Variants in ITPR2 observed in about 807,000 individuals in gnomAD.
ITPR2 encodes inositol 1,4,5-trisphosphate receptor type 2, also known as inositol 1,4,5-trisphosphate-gated calcium channel ITPR2.
A neutral mutation model predicts 317.1 loss-of-function variants in ITPR2; 207 were observed. The ratio of observed to expected loss-of-function variants is 0.65; its 90% CI spans 0.58 to 0.73. The LOEUF (loss-of-function observed/expected upper bound fraction) is 0.73, where lower values mean the gene tolerates loss of function less well. ITPR2 is among the 30% of genes least tolerant of loss of function. The probability of loss-of-function intolerance (pLI) is 0.00; values close to 1 mark genes in which losing one functional copy is unlikely to be tolerated. For missense variants in ITPR2, 2,613 were observed against 3,284.0 expected (o/e 0.80, Z 4.99); for synonymous variants, 1,156 against 1,149.1 (o/e 1.01, Z -0.12).
rs780325975 is a variant in ITPR2 at position 26,561,744 on chromosome 12, T to C, written c.4821+18A>G. 2.6e-6 allele frequency: 4 copies of C among 1,526,268 alleles called. No homozygotes were observed. The highest frequency in any genetic ancestry group is 1.4e-5 in the African/African-American group (1 of 69,706). 94.5% of individuals were successfully genotyped at this position (1,526,268 alleles called of 1,614,324 possible). On this transcript the variant is annotated intron_variant, in intron 35 of 56. Transcript: ENST00000381340. ...TATAATTTAGAAAATATTAATGCTA[T>C]TTCACGCTTTCATGTACCTGTAACT...
intron 28 of ITPR2, among the ~76,000 whole-genome samples, chr12:26,601,041 T>C (rs1945988191): frequency 6.6e-6 from 1 of 152,182 alleles, no homozygotes; most frequent in Non-Finnish European, 1.5e-5. Context: ...TATACTAAGC[T>C]ACTATCATTT....
intron 1 of ITPR2, among the ~76,000 whole-genome samples, chr12:26,796,836 T>C (rs1592139541): frequency 6.6e-6 from 1 of 151,716 alleles, no homozygotes; most frequent in Non-Finnish European, 1.5e-5. Context: ...TCGAGACCAG[T>C]CTGGCCAACA....
At position 26,524,426 on chromosome 12, in the gene ITPR2, T is replaced by C. The variant is rs1466926632; in HGVS notation, c.5073+25821A>G. On this transcript the variant is annotated intron_variant, in intron 37 of 56. Coordinates refer to ENST00000381340, the MANE Select transcript of ITPR2 (RefSeq NM_002223.4). ...ATATTATGTACATCTGGTTTTTAAG[T>C]AATGCCATTGGATTTATAAATAATG... 2.6e-5 allele frequency among the ~76,000 whole-genome samples: 4 copies of C among 152,244 alleles called. No individual in the cohort carries two copies. The East Asian group carries it at 7.7e-4, about 29-fold the overall frequency.
chr12:26,669,458 CA>C (rs1231944194), intron 13 of ITPR2, among the ~76,000 whole-genome samples: 2 of 152,042 alleles, frequency 1.3e-5, no homozygotes, highest in African/African-American at 4.8e-5. Context: ...CCTTAAGTGT[CA>C]AATGAGAAAA....
intron 22 of ITPR2, among the ~76,000 whole-genome samples, chr12:26,631,584 A>AT (rs1297598675): frequency 6.6e-6 from 1 of 152,008 alleles, no homozygotes; most frequent in Non-Finnish European, 1.5e-5. Flanking sequence ...GACAATACTA[A>AT]TTTTTTTTAA....
At chr12:26,432,407 AT>A (rs1941235105) in intron 48 of ITPR2, among the ~76,000 whole-genome samples, 1 of 152,150 alleles carries the variant, frequency 6.6e-6, no homozygotes, top group Non-Finnish European at 1.5e-5. Context: ...CGGTGATTGT[AT>A]CAGGAGGCAT....
Position 26,716,323 on chromosome 12 carries a change from G to T in ITPR2, c.526-81C>A. ...TTCGAAGCTAGAAATAACTGCACAG[G>T]AGTCCCCATTATTGATCTGACATCT... On this transcript the variant is annotated intron_variant, in intron 5 of 56. Transcript: ENST00000381340. 6.0e-6 allele frequency: 5 copies of T among 827,880 alleles called. No homozygotes were observed. The South Asian group carries it at 7.6e-5, about 13-fold the overall frequency. The allele number at this position is 827,880 out of a possible 1,614,324, so 51.3% of individuals were successfully genotyped here.
chr12:26,610,213 T>C (rs1396179834), intron 26 of ITPR2, among the ~76,000 whole-genome samples: 1 of 152,252 alleles, frequency 6.6e-6, no homozygotes, highest in Non-Finnish European at 1.5e-5. Context: ...TACCAGATTC[T>C]GTCAAAAGTC....
intron 6 of ITPR2, 79 bp downstream of exon 6, chr12:26,716,063 TGA>T: frequency 1.1e-6 from 1 of 920,868 alleles, no homozygotes; most frequent in Non-Finnish European, 1.7e-6. Flanking sequence ...ATGAAAACAA[TGA>T]AAGAAACTAT....
At chr12:26,706,876 C>T (rs1948561789) in intron 9 of ITPR2, among the ~76,000 whole-genome samples, 1 of 152,150 alleles carries the variant, frequency 6.6e-6, no homozygotes, top group Non-Finnish European at 1.5e-5. Context: ...TGGGCTGGGC[C>T]TCAGTTTTAA....
At position 26,496,542 on chromosome 12, in the gene ITPR2, T is replaced by C. The variant is rs140360187; in HGVS notation, c.5074-1282A>G. Among the ~76,000 whole-genome samples the C allele has an allele frequency of 7.9e-5, 12 of 152,334 alleles. No homozygotes were observed. In the East Asian group the frequency reaches 2.1e-3, roughly 27 times the overall value. The stretch of plus-strand genomic sequence containing the variant: ...GAACCTTGCTTTCCTAAGCTTCTTA[T>C]TCTGTTTCCACTTAGATTTCCTTAC... On this transcript the variant is annotated intron_variant, in intron 37 of 56. Transcript: ENST00000381340.
Position 26,678,700 on chromosome 12 carries a change from C to T in ITPR2, c.1409+3174G>A, listed in dbSNP as rs140456807. ...TACCTTCATATTTCTTAGGCAAAGC[C>T]TTCTCTTTGCTATTAATACAACGTT... On this transcript the variant is annotated intron_variant, in intron 13 of 56. Transcript: ENST00000381340. 6.6e-5 allele frequency among the ~76,000 whole-genome samples: 10 copies of T among 152,284 alleles called. 1 individual carries two copies. Among genetic ancestry groups the T allele is most frequent in the African/African-American group, 2.4e-4 (10 of 41,542 alleles).
chr12:26,378,382 T>C (rs1484754965), intron 55 of ITPR2, among the ~76,000 whole-genome samples: 1 of 152,006 alleles, frequency 6.6e-6, no homozygotes, highest in East Asian at 1.9e-4. Flanking sequence ...CATGGCATTT[T>C]TGAGAAAAGA....
chr12:26,536,107 T>A (rs1944082979), intron 37 of ITPR2, among the ~76,000 whole-genome samples: 7 of 151,892 alleles, frequency 4.6e-5, no homozygotes, highest in African/African-American at 1.7e-4. Context: ...AGTAGAAGCT[T>A]TTTTTGTACA....
intron 55 of ITPR2, among the ~76,000 whole-genome samples, chr12:26,363,261 C>A (rs1361722574): frequency 2.0e-5 from 3 of 152,216 alleles, no homozygotes; most frequent in Non-Finnish European, 4.4e-5. Context: ...CTAATGCCTG[C>A]TGATCTGTCA....
chr12:26,566,330 G>A (rs1465393589), intron 34 of ITPR2, among the ~76,000 whole-genome samples: 2 of 142,158 alleles, frequency 1.4e-5, no homozygotes, highest in Non-Finnish European at 3.1e-5. Context: ...GAGAGGAGAG[G>A]GAGAGGAGAA....
intron 37 of ITPR2, among the ~76,000 whole-genome samples, chr12:26,534,591 G>C (rs1429851534): frequency 1.3e-5 from 2 of 151,996 alleles, no homozygotes; most frequent in Non-Finnish European, 2.9e-5. Context: ...TAAAGAAAAA[G>C]CAAAAGAAAA....
intron 2 of ITPR2, among the ~76,000 whole-genome samples, chr12:26,751,035 G>A (rs1387310342): frequency 6.6e-6 from 1 of 152,144 alleles, no homozygotes; most frequent in Non-Finnish European, 1.5e-5. Flanking sequence ...GACCAGGGCA[G>A]GGGGTTCAAA....
intron 2 of ITPR2, among the ~76,000 whole-genome samples, chr12:26,742,406 G>A (rs1949246791): frequency 1.3e-5 from 2 of 152,156 alleles, no homozygotes; most frequent in Admixed American, 6.5e-5. Flanking sequence ...CCTAATGTTA[G>A]GAGCAGCATT....
Sources: gnomAD v4.1 joint callset for allele counts (sites outside exome capture counted in the v4.1 genomes callset) on GRCh38, gnomAD v4.1.1 for gene constraint, MANE v1.5 for transcripts, NCBI Gene and HGNC (gene_info 2026-07-23, HGNC 2026-07-21) for gene names.